TTLL6: variants seen among roughly 807,000 people sequenced by gnomAD.
TTLL6 encodes the protein tubulin polyglutamylase TTLL6.
In TTLL6, 75 loss-of-function variants were observed where a neutral mutation model predicts 96.4. The ratio of observed to expected loss-of-function variants is 0.78; its 90% CI spans 0.65 to 0.94. The LOEUF (loss-of-function observed/expected upper bound fraction) is 0.94. Ranked by LOEUF, TTLL6 falls within the 40% of genes least tolerant of loss-of-function variation. TTLL6 has a pLI of 0.00. For missense variants in TTLL6, 1,030 were observed against 1,093.0 expected (o/e 0.94, Z 0.81); for synonymous variants, 411 against 419.4 (o/e 0.98, Z 0.24).
At chr17:48,771,137 G>T (rs1004082292) in intron 13 of TTLL6, among the ~76,000 whole-genome samples, 1 of 152,106 alleles carries the variant, frequency 6.6e-6, no homozygotes, top group African/African-American at 2.4e-5. Flanking sequence ...AGTGTAAATT[G>T]TGAAAGTGTG....
chr17:48,787,834 G>A lies in TTLL6; in HGVS notation c.1566C>T (p.Ser522=), dbSNP rs1435623935. ...NNSLFQNTVA[S]RAREEYARQL... ...ACCGGGCATACTCCTCCCGAGCCCTGGAAGCAACAGTATTCTGGAAGAGGG... is the reference window on the plus strand; with the variant it reads ...ACCGGGCATACTCCTCCCGAGCCCTAGAAGCAACAGTATTCTGGAAGAGGG... The change falls in exon 11 of 16, where the codon TCC becomes TCT. Residue 522 remains serine (S), a synonymous_variant. Coordinates refer to ENST00000393382, the MANE Select transcript of TTLL6 (RefSeq NM_001130918.3). 6.2e-7 allele frequency: 1 copy of A among 1,614,088 alleles called. No homozygotes were observed. The highest frequency in any genetic ancestry group is 1.7e-5 in the Admixed American group (1 of 60,010).
chr17:48,811,375 C>A (rs930296222), intron 1 of TTLL6, among the ~76,000 whole-genome samples: 18 of 152,120 alleles, frequency 1.2e-4, no homozygotes, highest in Non-Finnish European at 1.9e-4. Context: ...CCATGCCCAG[C>A]CTATTTTTCT....
Position 48,762,624 on chromosome 17 carries a change from A to C in TTLL6, c.*350T>G, listed in dbSNP as rs1163124158. On this transcript the variant is annotated 3_prime_UTR_variant, in exon 16 of 16. Transcript: ENST00000393382. ...CTGGAAATCATGAGTCCTTCTCTGAAACACTACTCCCGAAGTTGCTTTATC... is the reference window on the plus strand; with the variant it reads ...CTGGAAATCATGAGTCCTTCTCTGACACACTACTCCCGAAGTTGCTTTATC... 1.4e-5 allele frequency: 3 copies of C among 210,036 alleles called. No homozygotes were observed. The East Asian group carries it at 4.5e-4, about 31-fold the overall frequency. The allele number at this position is 210,036 out of a possible 1,614,324, so 13.0% of individuals were successfully genotyped here.
At chr17:48,776,026 G>A (rs572114743) in intron 13 of TTLL6, among the ~76,000 whole-genome samples, 5 of 152,192 alleles carry the variant, frequency 3.3e-5, no homozygotes, top group South Asian at 2.1e-4. Context: ...CCTATTCAAC[G>A]TTGTACCAGA....
At chr17:48,764,242 T>A (rs773970567) in intron 15 of TTLL6, among the ~76,000 whole-genome samples, 2 of 152,010 alleles carry the variant, frequency 1.3e-5, no homozygotes, top group Non-Finnish European at 2.9e-5. Context: ...TGAAAGTGGG[T>A]CCAGAGGAAG....
chr17:48,803,537 G>A (rs1165663265), intron 3 of TTLL6, among the ~76,000 whole-genome samples: 1 of 149,244 alleles, frequency 6.7e-6, no homozygotes, highest in Non-Finnish European at 1.5e-5. Flanking sequence ...TTCTAAAATA[G>A]AAAATAGGTC....
chr17:48,801,027 C>T (rs1344387711), intron 5 of TTLL6, among the ~76,000 whole-genome samples: 2 of 152,204 alleles, frequency 1.3e-5, no homozygotes, highest in East Asian at 3.8e-4. Flanking sequence ...CCCAACTGCA[C>T]GTACAGGCTC....
rs978726023 is a variant in TTLL6 at position 48,791,287 on chromosome 17, C to T, written c.1224+91G>A. 3.4e-6 allele frequency: 4 copies of T among 1,186,098 alleles called. No individual in the cohort carries two copies. The African/African-American group carries it at 4.5e-5, about 13-fold the overall frequency. 73.5% of individuals were successfully genotyped at this position (1,186,098 alleles called of 1,614,324 possible). A position where few individuals can be genotyped will look rare whatever the true frequency, so the allele number is the denominator to read the frequency against. ...GAGGAAGTGGCCTGGGAAGTTGAAACAATTTAGGTGAGCCAGGAGGGCGGA... is the reference window on the plus strand; with the variant it reads ...GAGGAAGTGGCCTGGGAAGTTGAAATAATTTAGGTGAGCCAGGAGGGCGGA... On this transcript the variant is annotated intron_variant, in intron 9 of 15. Transcript: ENST00000393382.
chr17:48,779,174 C>T (rs919856470), intron 13 of TTLL6, among the ~76,000 whole-genome samples: 3 of 151,456 alleles, frequency 2.0e-5, no homozygotes, highest in Non-Finnish European at 2.9e-5. Context: ...CAGTAAACAT[C>T]AGGGAAATAC....
At chr17:48,779,988 T>C (rs959702565) in intron 13 of TTLL6, among the ~76,000 whole-genome samples, 6 of 151,922 alleles carry the variant, frequency 3.9e-5, no homozygotes, top group Non-Finnish European at 8.8e-5. Context: ...CGTATCATGA[T>C]ATATCATGAT....
At position 48,782,425 on chromosome 17, in the gene TTLL6, G is replaced by A. The variant is rs192701749; in HGVS notation, c.2040+2498C>T. ...CCACCTTGGCCTCCCAAAGTGCTGG[G>A]ATTACAGGCGTGAGCCACTGCACCC... is the stretch of plus-strand genomic sequence containing the variant. On this transcript the variant is annotated intron_variant, in intron 13 of 15. Coordinates refer to ENST00000393382, the MANE Select transcript of TTLL6 (RefSeq NM_001130918.3). 5.0e-3 allele frequency among the ~76,000 whole-genome samples: 766 copies of A among 152,242 alleles called. 5 individuals are homozygous for A. Among genetic ancestry groups the A allele is most frequent in the African/African-American group, 0.018 (735 of 41,546 alleles).
chr17:48,807,914 C>T (rs1481542149), intron 1 of TTLL6, among the ~76,000 whole-genome samples: 1 of 152,192 alleles, frequency 6.6e-6, no homozygotes, highest in Non-Finnish European at 1.5e-5. Context: ...TCTCGGCTCA[C>T]TGCAAGCTCC....
chr17:48,765,919 C>G (rs138788197), intron 15 of TTLL6: 1 of 152,214 alleles, frequency 6.6e-6, no homozygotes, highest in South Asian at 2.1e-4. Context: ...TCTAAGATGC[C>G]ACATGATAAA....
intron 10 of TTLL6, among the ~76,000 whole-genome samples, 192 bp from the exon 11 acceptor site, chr17:48,788,191 G>A (rs773547608): frequency 4.6e-5 from 7 of 152,220 alleles, no homozygotes; most frequent in East Asian, 1.9e-4. Context: ...GACAGCCAAT[G>A]TCATAATGCA....
chr17:48,783,437 GTT>G lies in TTLL6; in HGVS notation c.2040+1484_2040+1485del, dbSNP rs55869780. ...GAATATTTTTTATTTAAAAAATATT[GTT>G]TTTTTTTTTTTAGATAGAGTCTCAC... On this transcript the variant is annotated intron_variant, in intron 13 of 15. Transcript: ENST00000393382. 1.9e-3 allele frequency among the ~76,000 whole-genome samples: 281 copies of G among 145,746 alleles called. 2 individuals are homozygous for G. The highest frequency in any genetic ancestry group is 0.012 in the East Asian group (61 of 5,042).
At chr17:48,794,157 G>C (rs752856054) in intron 8 of TTLL6, 1 of 1,612,682 alleles carries the variant, frequency 6.2e-7, no homozygotes, top group Admixed American at 1.7e-5. Flanking sequence ...GAAGAGGACA[G>C]GGGAAATGGA....
Position 48,769,871 on chromosome 17 carries a change from G to C in TTLL6, c.2267C>G (p.Pro756Arg). ...PTKSKSFWES[P>R]NTNWTLLKSD... Reference sequence around the variant, plus strand: ...CTTTAGCAAAGTCCAGTTTGTGTTCGGACTCTCCCAGAAGCTCTTGGATTT... The same window carrying C: ...CTTTAGCAAAGTCCAGTTTGTGTTCCGACTCTCCCAGAAGCTCTTGGATTT... Residue 756 changes from proline to arginine, a missense_variant, in exon 14 of 16, where the codon CCG becomes CGG. Transcript: ENST00000393382. The C allele has an allele frequency of 6.2e-7, 1 of 1,614,182 alleles. No homozygotes were observed. Among genetic ancestry groups the C allele is most frequent in the South Asian group, 1.1e-5 (1 of 91,086 alleles).
chr17:48,775,452 A>G (rs1229482504), intron 13 of TTLL6, among the ~76,000 whole-genome samples: 1 of 151,610 alleles, frequency 6.6e-6, no homozygotes, highest in East Asian at 1.9e-4. Flanking sequence ...TTAGCAGTCT[A>G]AAGAAAAAAA....
In TTLL6 at chr17:48,804,870, T is replaced by A; in HGVS notation, c.225A>T (p.Lys75Asn). Residue 75 changes from lysine (K) to asparagine (N), a missense_variant, in exon 2 of 16, where the codon AAA becomes AAT. Physicochemically the swap from Lys to Asn is moderately conservative, Grantham distance 94 (BLOSUM62 0). Coordinates refer to ENST00000393382, the MANE Select transcript of TTLL6 (RefSeq NM_001130918.3). The part of the protein sequence containing the change: ...EKGDSSKEDP[K>N]ETVALAFVRE... ...TCACAAAAGCCAGCGCGACGGTTTC[T>A]TTTGGATCTTCTTTGGAACTGTCCC... is the stretch of plus-strand genomic sequence containing the variant. 3 of 1,552,360 alleles carry A rather than the reference T, an allele frequency of 1.9e-6. No individual in the cohort carries two copies. The highest frequency in any genetic ancestry group is 2.6e-6 in the Non-Finnish European group (3 of 1,147,132).
Sources: allele counts gnomAD v4.1 joint callset (sites outside exome capture counted in the v4.1 genomes callset), GRCh38; gene constraint gnomAD v4.1.1; transcripts MANE v1.5; gene names NCBI Gene and HGNC (gene_info 2026-07-23, HGNC 2026-07-21).